Variants in CCN4 observed in about 807,000 individuals in gnomAD.
The protein encoded by CCN4 is cellular communication network factor 4, also known as CCN family member 4.
A neutral mutation model predicts 36.7 loss-of-function variants in CCN4; 30 were observed. The ratio of observed to expected loss-of-function variants is 0.82; its 90% confidence interval spans 0.61 to 1.11. The LOEUF is 1.11. Among genes scored for constraint, CCN4 ranks in the 50% least tolerant of loss-of-function variants. CCN4 has a pLI of 0.00. For missense variants in CCN4, 505 were observed against 504.9 expected, an observed-to-expected ratio of 1.00 and a Z score of 0.00; for synonymous variants, 191 against 195.4, an observed-to-expected ratio of 0.98 and a Z score of 0.19.
At chr8:133,191,470 A>C (rs958124237) in intron 1 of CCN4, among the ~76,000 whole-genome samples, 1 of 152,142 alleles carries the variant, frequency 6.6e-6, no homozygotes, top group Non-Finnish European at 1.5e-5. Flanking sequence ...TCCCCACCTG[A>C]AACAGTGCAG....
intron 1 of CCN4, among the ~76,000 whole-genome samples, chr8:133,195,226 GGTGT>G (rs891812827): frequency 6.7e-5 from 10 of 149,226 alleles, no homozygotes; most frequent in African/African-American, 2.2e-4. Context: ...GTATGTGTGT[GGTGT>G]GTGTCTGTTG....
rs1437818931 is a variant in CCN4 at position 133,227,691 on chromosome 8, T to C, written c.1085T>C (p.Phe362Ser). 3 of 1,612,946 alleles carry C rather than the reference T, an allele frequency of 1.9e-6. No homozygotes were observed. Among genetic ancestry groups the C allele is most frequent in the Non-Finnish European group, 2.5e-6 (3 of 1,179,086 alleles). The change falls in exon 5 of 5, where the codon TTC becomes TCC. Residue 362 changes from phenylalanine to serine, a missense_variant. Coordinates refer to ENST00000250160, the MANE Select transcript of CCN4 (RefSeq NM_003882.4). ...GCTGACTTGGAATCCTACCCTGACT[T>C]CTCAGAAATTGCCAACTAGGCAGGC... is the stretch of plus-strand genomic sequence containing the variant. ...IFADLESYPDFSEIAN is the reference protein window; with the variant it reads ...IFADLESYPDSSEIAN
At chr8:133,196,314 G>T (rs1343383220) in intron 1 of CCN4, among the ~76,000 whole-genome samples, 1 of 152,192 alleles carries the variant, frequency 6.6e-6, no homozygotes, top group East Asian at 1.9e-4. Flanking sequence ...GGAAGCATAA[G>T]ATACACCATT....
At position 133,229,543 on chromosome 8, in the gene CCN4, G is replaced by A. The variant is rs528174328; in HGVS notation, c.*1833G>A. Reference sequence around the variant, plus strand: ...TACCCAATGCTGCATATTGAATGTTGTGTAGTTATTCACAGGGAATTCTGT... The same window carrying A: ...TACCCAATGCTGCATATTGAATGTTATGTAGTTATTCACAGGGAATTCTGT... On this transcript the variant is annotated 3_prime_UTR_variant, in exon 5 of 5. Coordinates refer to ENST00000250160, the MANE Select transcript of CCN4 (RefSeq NM_003882.4). The A allele has an allele frequency of 2.0e-5, 3 of 152,344 alleles. No homozygotes were observed. The South Asian group carries it at 6.2e-4, about 32-fold the overall frequency. The allele number at this position is 152,344 out of a possible 1,614,324, so 9.4% of individuals were successfully genotyped here.
rs1180645470 is a variant in CCN4, at chr8:133,229,160, G to A, written c.*1450G>A. Reference sequence around the variant, plus strand: ...CTGTTCTTACAAATGTGAAACGGAAGCTCATAGAGGTGAGAAAACTCAACC... The same window carrying A: ...CTGTTCTTACAAATGTGAAACGGAAACTCATAGAGGTGAGAAAACTCAACC... On this transcript the variant is annotated 3_prime_UTR_variant, in exon 5 of 5. Transcript: ENST00000250160. 6.6e-6 allele frequency: 1 copy of A among 152,188 alleles called. No individual in the cohort carries two copies. The highest frequency in any genetic ancestry group is 1.9e-4 in the East Asian group (1 of 5,184). The allele number at this position is 152,188 out of a possible 1,614,324, so 9.4% of individuals were successfully genotyped here.
chr8:133,201,553 A>G (rs1465151748), intron 1 of CCN4, among the ~76,000 whole-genome samples: 1 of 152,202 alleles, frequency 6.6e-6, no homozygotes, highest in Non-Finnish European at 1.5e-5. Context: ...AGAATAAAAA[A>G]GCATACAGCC....
At chr8:133,207,784 C>T (rs143328119) in intron 1 of CCN4, among the ~76,000 whole-genome samples, 3 of 152,228 alleles carry the variant, frequency 2.0e-5, no homozygotes, top group East Asian at 1.9e-4. Flanking sequence ...AACAGATGGG[C>T]GGCATGTGGT....
intron 1 of CCN4, among the ~76,000 whole-genome samples, chr8:133,200,209 T>C (rs1014266731): frequency 6.6e-6 from 1 of 152,184 alleles, no homozygotes. Flanking sequence ...CATTGCCAGA[T>C]GTGGAAGGCC....
rs575305125 is a variant in CCN4, at chr8:133,205,107, G to T, written c.70-7757G>T. Among the ~76,000 whole-genome samples, 102 of 152,312 alleles carry T rather than the reference G, an allele frequency of 6.7e-4. 3 individuals carry two copies. The East Asian group carries it at 0.018, about 27-fold the overall frequency. ...GGGTATGGCAGGAGGAGTCTCAGTG[G>T]GGTAGGTGGGGCCCGGTGGGCTCAG... On this transcript the variant is annotated intron_variant, in intron 1 of 4. Transcript: ENST00000250160.
intron 3 of CCN4, 73 bp downstream of exon 3, chr8:133,220,914 A>G (rs1255518771): frequency 3.8e-5 from 58 of 1,511,088 alleles, no homozygotes; most frequent in Non-Finnish European, 5.1e-5. Flanking sequence ...AACTCTGACC[A>G]CCATAGAATG....
chr8:133,223,228 A>G (rs72731545), intron 3 of CCN4, among the ~76,000 whole-genome samples: 2,462 of 152,206 alleles, frequency 0.016, 22 homozygotes, highest in African/African-American at 0.024. Context: ...GCAGGGAGGC[A>G]GAAGCTGTCT....
chr8:133,192,501 AC>A (rs1853151461), intron 1 of CCN4, among the ~76,000 whole-genome samples: 1 of 152,226 alleles, frequency 6.6e-6, no homozygotes, highest in African/African-American at 2.4e-5. Flanking sequence ...CAAGTAAAGG[AC>A]TTGCCCAGGA....
intron 4 of CCN4, 34 bp from the exon 5 acceptor site, chr8:133,227,377 C>G: frequency 6.4e-7 from 1 of 1,574,062 alleles, no homozygotes; most frequent in Non-Finnish European, 8.6e-7. Flanking sequence ...ATTCTCTGAG[C>G]ACTCCCACTG....
rs139058011 is a variant in CCN4, at chr8:133,220,740, C to T, written c.509C>T (p.Pro170Leu). The change falls in exon 3 of 5, where the codon CCG becomes CTG. Residue 170 changes from proline to leucine, a missense_variant. Physicochemically the swap from Pro to Leu is moderately conservative, Grantham distance 98. Transcript: ENST00000250160. ...VRPPRLWCPH[P>L]RRVSIPGHCC... ...CCCCCGCGTCTCTGGTGCCCCCACCCGCGGCGCGTGAGCATACCTGGCCAC... is the reference window on the plus strand; with the variant it reads ...CCCCCGCGTCTCTGGTGCCCCCACCTGCGGCGCGTGAGCATACCTGGCCAC... The T allele has an allele frequency of 1.1e-4, 178 of 1,613,580 alleles. 1 individual carries two copies. Among genetic ancestry groups the T allele is most frequent in the Middle Eastern group, 6.7e-4 (4 of 5,962 alleles).
chr8:133,199,041 G>A (rs1257231782), intron 1 of CCN4, among the ~76,000 whole-genome samples: 1 of 152,260 alleles, frequency 6.6e-6, no homozygotes, highest in Non-Finnish European at 1.5e-5. Context: ...GATGGGGGAG[G>A]CTGGGAGGGA....
At chr8:133,222,742 A>G (rs1323719858) in intron 3 of CCN4, among the ~76,000 whole-genome samples, 1 of 151,576 alleles carries the variant, frequency 6.6e-6, no homozygotes, top group African/African-American at 2.4e-5. Context: ...CTTACGAGGC[A>G]AGCAGTAGAG....
intron 1 of CCN4, among the ~76,000 whole-genome samples, chr8:133,211,111 C>T (rs1854010611): frequency 6.6e-6 from 1 of 152,192 alleles, no homozygotes; most frequent in Non-Finnish European, 1.5e-5. Context: ...TCATCTGAAC[C>T]ACTTTCCTCA....
chr8:133,224,423 A>T (rs1221417428), intron 3 of CCN4, among the ~76,000 whole-genome samples: 1 of 151,598 alleles, frequency 6.6e-6, no homozygotes, highest in Non-Finnish European at 1.5e-5. Flanking sequence ...ATTTTTTAGT[A>T]GAGATGGGGT....
intron 1 of CCN4, among the ~76,000 whole-genome samples, chr8:133,195,631 C>G (rs1853353096): frequency 6.6e-6 from 1 of 152,084 alleles, no homozygotes; most frequent in African/African-American, 2.4e-5. Context: ...GAGGACGGCA[C>G]TGAAAGGCAT....
Sources: allele counts gnomAD v4.1 joint callset (sites outside exome capture counted in the v4.1 genomes callset), GRCh38; gene constraint gnomAD v4.1.1; transcripts MANE v1.5; gene names NCBI Gene and HGNC (gene_info 2026-07-23, HGNC 2026-07-21).